The following SEMA6D variants were observed in gnomAD, a reference collection of about 807,000 sequenced individuals.
SEMA6D encodes semaphorin 6D, also known as semaphorin-6D.
Under a neutral mutation model 106.6 loss-of-function variants are expected in SEMA6D, and 35 were observed. The observed-to-expected ratio is 0.33, with a 90% confidence interval of 0.25 to 0.44. SEMA6D has a LOEUF of 0.44. Among genes scored for constraint, SEMA6D ranks in the 20% least tolerant of loss-of-function variants. The pLI is 1.00. For synonymous variants in SEMA6D, 499 were observed against 487.7 expected (o/e 1.02, Z -0.31); for missense variants, 1,185 against 1,345.9 (o/e 0.88, Z 1.87).
chr15:47,314,933 T>C (rs1485547804), intron 1 of SEMA6D, among the ~76,000 whole-genome samples: 4 of 131,328 alleles, frequency 3.0e-5, no homozygotes, highest in African/African-American at 1.1e-4. Context: ...TGGCGCAATC[T>C]CGGCTCACTG....
Position 47,772,802 on chromosome 15 carries a change from T to TC in SEMA6D, c.*1027dup, listed in dbSNP as rs74779121. 0.044 allele frequency: 4,828 copies of TC among 108,782 alleles called. 357 individuals carry two copies. The highest frequency in any genetic ancestry group is 0.14 in the African/African-American group (3,905 of 27,228). The allele number at this position is 108,782 out of a possible 1,614,324, so 6.7% of individuals were successfully genotyped here. On this transcript the variant is annotated 3_prime_UTR_variant, in exon 19 of 19. Coordinates refer to ENST00000536845, the MANE Select transcript of SEMA6D (RefSeq NM_001358351.3). ...AGGTTTTATTTTGATTGTGTTCGTT[T>TC]CCCCCCCCCCAATAGTAAAATTTCT... is the stretch of plus-strand genomic sequence containing the variant.
At chr15:47,313,124 A>C (rs2036512329) in intron 1 of SEMA6D, among the ~76,000 whole-genome samples, 1 of 152,170 alleles carries the variant, frequency 6.6e-6, no homozygotes, top group Non-Finnish European at 1.5e-5. Flanking sequence ...TCATTGACAC[A>C]TCATAATTGC....
At chr15:47,765,649 C>G (rs2082297251) in intron 13 of SEMA6D, among the ~76,000 whole-genome samples, 1 of 152,112 alleles carries the variant, frequency 6.6e-6, no homozygotes, top group African/African-American at 2.4e-5. Flanking sequence ...ATCATCATAA[C>G]AGGAAAGCAA....
intron 1 of SEMA6D, among the ~76,000 whole-genome samples, chr15:47,291,590 G>A (rs375062319): frequency 6.6e-6 from 1 of 152,140 alleles, no homozygotes; most frequent in East Asian, 1.9e-4. Context: ...TCTAGGGAAT[G>A]GGACCATGTC....
intron 1 of SEMA6D, among the ~76,000 whole-genome samples, chr15:47,199,429 G>T (rs1172610130): frequency 6.6e-6 from 1 of 152,090 alleles, no homozygotes; most frequent in Non-Finnish European, 1.5e-5. Flanking sequence ...TTAGAGCTCT[G>T]TACTCTAGGA....
At chr15:47,313,334 T>C (rs1021715634) in intron 1 of SEMA6D, among the ~76,000 whole-genome samples, 1 of 152,224 alleles carries the variant, frequency 6.6e-6, no homozygotes, top group Non-Finnish European at 1.5e-5. Context: ...TCCATAGTTT[T>C]GCCTTTTCCA....
chr15:47,654,314 C>T (rs1320414817), intron 4 of SEMA6D, among the ~76,000 whole-genome samples: 1 of 152,168 alleles, frequency 6.6e-6, no homozygotes, highest in Admixed American at 6.5e-5. Flanking sequence ...TTTCCCAAAA[C>T]TTAATTACCA....
Position 47,770,940 on chromosome 15 carries a change from G to C in SEMA6D, c.2377G>C (p.Glu793Gln). The change falls in exon 19 of 19, where the codon GAA becomes CAA. Residue 793 changes from glutamate to glutamine, a missense_variant. Transcript: ENST00000536845. ...KTLQAMKSHS[E>Q]KAHGHGASRK... ...CCTGCAGGCCATGAAGAGCCACTCAGAAAAGGCCCATGGCCATGGAGCTTC... is the reference window on the plus strand; with the variant it reads ...CCTGCAGGCCATGAAGAGCCACTCACAAAAGGCCCATGGCCATGGAGCTTC... 6.2e-7 allele frequency: 1 copy of C among 1,614,102 alleles called. No individual in the cohort carries two copies. Among genetic ancestry groups the C allele is most frequent in the Non-Finnish European group, 8.5e-7 (1 of 1,179,992 alleles).
chr15:47,652,647 G>C (rs2077714753), intron 4 of SEMA6D, among the ~76,000 whole-genome samples: 1 of 152,160 alleles, frequency 6.6e-6, no homozygotes, highest in Non-Finnish European at 1.5e-5. Flanking sequence ...GCTTTCCCTT[G>C]GTGCTTGCCA....
intron 3 of SEMA6D, among the ~76,000 whole-genome samples, chr15:47,589,909 TTTA>T (rs2076407490): frequency 1.3e-5 from 2 of 152,274 alleles, no homozygotes; most frequent in Admixed American, 1.3e-4. Context: ...AAAACCTCCA[TTTA>T]TTATTATCTT....
chr15:47,722,004 T>C (rs1365303990), intron 1 of SEMA6D, among the ~76,000 whole-genome samples: 1 of 152,096 alleles, frequency 6.6e-6, no homozygotes, highest in Non-Finnish European at 1.5e-5. Flanking sequence ...ACTGGCAGTA[T>C]TGTCTGCCTG....
intron 3 of SEMA6D, among the ~76,000 whole-genome samples, chr15:47,570,251 G>A (rs183425572): frequency 1.3e-5 from 2 of 152,240 alleles, no homozygotes; most frequent in East Asian, 3.9e-4. Context: ...CTGTGATTGA[G>A]GAAATGCGGA....
intron 1 of SEMA6D, among the ~76,000 whole-genome samples, chr15:47,394,706 G>A (rs1430757192): frequency 6.6e-6 from 1 of 152,136 alleles, no homozygotes; most frequent in Non-Finnish European, 1.5e-5. Flanking sequence ...GCCATTTGCT[G>A]GAGTTATAAA....
chr15:47,482,465 T>A (rs1378549498), intron 3 of SEMA6D, among the ~76,000 whole-genome samples: 1 of 152,154 alleles, frequency 6.6e-6, no homozygotes, highest in African/African-American at 2.4e-5. Flanking sequence ...TACCCTTTAC[T>A]GATCAATTTC....
intron 4 of SEMA6D, among the ~76,000 whole-genome samples, chr15:47,681,871 A>T (rs1226326245): frequency 6.6e-6 from 1 of 152,232 alleles, no homozygotes; most frequent in Non-Finnish European, 1.5e-5. Context: ...CATCATGGGG[A>T]TATAGCTGAT....
intron 2 of SEMA6D, among the ~76,000 whole-genome samples, chr15:47,427,976 G>A (rs1026590580): frequency 1.3e-5 from 2 of 152,024 alleles, no homozygotes; most frequent in Non-Finnish European, 2.9e-5. Context: ...TACGAAACAA[G>A]ATAATCTAAT....
intron 1 of SEMA6D, among the ~76,000 whole-genome samples, chr15:47,273,232 G>A (rs1378785188): frequency 7.4e-6 from 1 of 135,226 alleles, no homozygotes; most frequent in Non-Finnish European, 1.6e-5. Flanking sequence ...TGAAGTGGGA[G>A]CCTTCTTTTG....
chr15:47,647,719 C>CAAAAAAAAAAA (rs777557315), intron 4 of SEMA6D, among the ~76,000 whole-genome samples: 1 of 93,778 alleles, frequency 1.1e-5, no homozygotes, highest in African/African-American at 3.1e-5. Flanking sequence ...CAATTGTGGG[C>CAAAAAAAAAAA]AAAAAAAAAA....
At chr15:47,224,172 A>AT (rs2031451805) in intron 1 of SEMA6D, among the ~76,000 whole-genome samples, 1 of 151,642 alleles carries the variant, frequency 6.6e-6, no homozygotes, top group African/African-American at 2.4e-5. Context: ...AAAGAAAAAA[A>AT]AATAATAAAA....
Sources: gnomAD v4.1 joint callset for allele counts (sites outside exome capture counted in the v4.1 genomes callset) on GRCh38, gnomAD v4.1.1 for gene constraint, MANE v1.5 for transcripts, NCBI Gene and HGNC (gene_info 2026-07-23, HGNC 2026-07-21) for gene names.